Variants in FRYL observed in about 807,000 individuals in gnomAD.
FRYL encodes the protein FRY like transcription coactivator, also known as protein furry homolog-like.
Under a neutral mutation model 351.2 loss-of-function variants are expected in FRYL, and 150 were observed. The ratio of observed to expected loss-of-function variants is 0.43; its 90% CI spans 0.37 to 0.49. The LOEUF is 0.49. FRYL is among the 20% of genes least tolerant of loss of function. FRYL has a pLI of 0.00. For synonymous variants in FRYL, 1,153 were observed against 1,257.1 expected, an observed-to-expected ratio of 0.92 and a Z score of 1.75; for missense variants, 3,036 against 3,619.3, an observed-to-expected ratio of 0.84 and a Z score of 4.13.
chr4:48,702,772 A>AG (rs1766905816), intron 2 of FRYL, among the ~76,000 whole-genome samples: 8 of 131,604 alleles, frequency 6.1e-5, no homozygotes, highest in East Asian at 2.3e-4. Flanking sequence ...AAAAAAAAAA[A>AG]AAAAGAAAAA....
At chr4:48,670,207 G>A (rs1762424399) in intron 3 of FRYL, among the ~76,000 whole-genome samples, 1 of 152,050 alleles carries the variant, frequency 6.6e-6, no homozygotes, top group East Asian at 1.9e-4. Context: ...GCTGAGGTGG[G>A]TGGATCACTT....
chr4:48,718,524 C>T (rs1050182816), intron 1 of FRYL, among the ~76,000 whole-genome samples: 1 of 151,522 alleles, frequency 6.6e-6, no homozygotes, highest in African/African-American at 2.4e-5. Flanking sequence ...AAGTACACTA[C>T]TATTATTCCA....
chr4:48,579,635 G>C (rs1376249404), intron 22 of FRYL, among the ~76,000 whole-genome samples: 4 of 152,126 alleles, frequency 2.6e-5, no homozygotes, highest in Non-Finnish European at 5.9e-5. Context: ...TCAAAAATGA[G>C]CTCTTCTCCA....
rs752203799 is a variant in FRYL, at chr4:48,582,656, A to G, written c.1827T>C (p.Asp609=). Residue 609 remains aspartate (D), a synonymous_variant, in exon 20 of 64, where the codon GAT becomes GAC. Coordinates refer to ENST00000358350, the MANE Select transcript of FRYL (RefSeq NM_015030.2). ...TLQALMLDFP[D]WREDVLSGFV... is the part of the protein sequence containing the mutation. ...ATCCTGAAAGAACATCCTCCCGCCAATCTGGAAAATCAAGCATTAGTGCCT... is the reference window on the plus strand; with the variant it reads ...ATCCTGAAAGAACATCCTCCCGCCAGTCTGGAAAATCAAGCATTAGTGCCT... 4 of 1,614,124 alleles carry G rather than the reference A, an allele frequency of 2.5e-6. No individual in the cohort carries two copies. In the South Asian group the frequency reaches 4.4e-5, roughly 18 times the overall value.
chr4:48,751,254 GA>G (rs957587605), intron 1 of FRYL, among the ~76,000 whole-genome samples: 1 of 150,712 alleles, frequency 6.6e-6, no homozygotes. Flanking sequence ...TCTATTCTAT[GA>G]AAAAAAAATC....
At chr4:48,517,756 A>G (rs1723954020) in intron 55 of FRYL, among the ~76,000 whole-genome samples, 1 of 152,250 alleles carries the variant, frequency 6.6e-6, no homozygotes, top group Non-Finnish European at 1.5e-5. Flanking sequence ...AAGATGCTTT[A>G]GCCTACTCCA....
chr4:48,702,511 C>T (rs1766857739), intron 2 of FRYL, among the ~76,000 whole-genome samples: 1 of 134,188 alleles, frequency 7.5e-6, no homozygotes, highest in South Asian at 2.5e-4. Context: ...CGCGGTGGCT[C>T]ACGCTTGTAA....
intron 2 of FRYL, among the ~76,000 whole-genome samples, chr4:48,696,875 T>G (rs187399315): frequency 6.6e-6 from 1 of 151,554 alleles, no homozygotes; most frequent in African/African-American, 2.4e-5. Flanking sequence ...TATCTATCTA[T>G]CTATCTATCT....
chr4:48,521,745 T>C (rs1724957804), intron 54 of FRYL, among the ~76,000 whole-genome samples: 1 of 152,084 alleles, frequency 6.6e-6, no homozygotes, highest in Non-Finnish European at 1.5e-5. Flanking sequence ...AGTCAGTAAG[T>C]GGTAACGTAT....
chr4:48,756,232 CAAAA>C (rs1228377900), intron 1 of FRYL, among the ~76,000 whole-genome samples: 1 of 97,036 alleles, frequency 1.0e-5, no homozygotes, highest in Non-Finnish European at 2.2e-5. Flanking sequence ...GACTTTGTCT[CAAAA>C]AAAAAAAAAA....
chr4:48,577,471 A>G (rs1335403035), intron 23 of FRYL, among the ~76,000 whole-genome samples: 1 of 152,258 alleles, frequency 6.6e-6, no homozygotes, highest in African/African-American at 2.4e-5. Context: ...AAGCACTGGT[A>G]ACGTATCAGT....
intron 33 of FRYL, among the ~76,000 whole-genome samples, chr4:48,560,893 A>G (rs1444674202): frequency 6.6e-6 from 1 of 152,166 alleles, no homozygotes; most frequent in East Asian, 1.9e-4. Context: ...CTTGAGCCCA[A>G]ATGAAATAAA....
chr4:48,735,837 G>A (rs1322149667), intron 1 of FRYL, among the ~76,000 whole-genome samples: 1 of 97,544 alleles, frequency 1.0e-5, no homozygotes, highest in Admixed American at 1.1e-4. Context: ...CGGGGGAGGG[G>A]GGAGGGATAG....
chr4:48,680,955 A>G (rs1764514735), intron 3 of FRYL: 1 of 1,253,456 alleles, frequency 8.0e-7, no homozygotes, highest in African/African-American at 1.6e-5. Context: ...CGTATTTGTC[A>G]TAATTACTAT....
intron 47 of FRYL, among the ~76,000 whole-genome samples, chr4:48,537,943 C>T (rs1729258202): frequency 6.6e-6 from 1 of 152,174 alleles, no homozygotes; most frequent in African/African-American, 2.4e-5. Context: ...AACCAATATA[C>T]ACTTTCCCCC....
chr4:48,703,281 G>A (rs1182417138), intron 2 of FRYL, among the ~76,000 whole-genome samples: 1 of 152,074 alleles, frequency 6.6e-6, no homozygotes, highest in African/African-American at 2.4e-5. Flanking sequence ...TCAAGAGAGG[G>A]AATGAACAAA....
At chr4:48,544,726 C>A in intron 43 of FRYL, 57 bp downstream of exon 43, 1 of 1,440,032 alleles carries the variant, frequency 6.9e-7, no homozygotes, top group Non-Finnish European at 9.3e-7. Flanking sequence ...TAAGCATTAT[C>A]AGAAATTGAC....
chr4:48,601,252 A>G (rs762029797), intron 13 of FRYL, among the ~76,000 whole-genome samples: 1 of 152,212 alleles, frequency 6.6e-6, no homozygotes, highest in Non-Finnish European at 1.5e-5. Flanking sequence ...CATGTCTGCA[A>G]TATTTCTATA....
chr4:48,758,984 GA>G (rs1358675014), intron 1 of FRYL, among the ~76,000 whole-genome samples: 1 of 152,148 alleles, frequency 6.6e-6, no homozygotes, highest in Non-Finnish European at 1.5e-5. Flanking sequence ...CACAAGGACA[GA>G]AAACTAAACA....
Sources: allele counts gnomAD v4.1 joint callset (sites outside exome capture counted in the v4.1 genomes callset), GRCh38; gene constraint gnomAD v4.1.1; transcripts MANE v1.5; gene names NCBI Gene and HGNC (gene_info 2026-07-23, HGNC 2026-07-21).